Variants in HOPX observed in about 807,000 individuals in gnomAD.
HOPX encodes the protein homeodomain-only protein.
In HOPX, 5 loss-of-function variants were observed where a neutral mutation model predicts 11.8. The ratio of observed to expected loss-of-function variants is 0.43; its 90% CI spans 0.22 to 0.89. The LOEUF (loss-of-function observed/expected upper bound fraction) is 0.89. Ranked by LOEUF, HOPX falls within the 40% of genes least tolerant of loss-of-function variation. The probability of loss-of-function intolerance (pLI) is 0.28; values close to 1 mark genes in which losing one functional copy is unlikely to be tolerated. For synonymous variants in HOPX, 49 were observed against 49.7 expected (o/e 0.99, Z 0.06); for missense variants, 119 against 120.0 (o/e 0.99, Z 0.04).
intron 1 of HOPX, among the ~76,000 whole-genome samples, chr4:56,674,743 T>G (rs1208372918): frequency 6.7e-6 from 1 of 150,092 alleles, no homozygotes; most frequent in East Asian, 1.9e-4. Flanking sequence ...TCTCTACTTT[T>G]TATTTATTTG....
intron 1 of HOPX, 128 bp from the exon 2 acceptor site, chr4:56,658,027 A>T: frequency 1.4e-6 from 1 of 694,802 alleles, no homozygotes; most frequent in South Asian, 2.6e-5. Flanking sequence ...ACCACCCACC[A>T]CTGCTTGCTT....
At chr4:56,680,466 AC>A (rs1211579815) in intron 1 of HOPX, 1 of 152,068 alleles carries the variant, frequency 6.6e-6, no homozygotes, top group African/African-American at 2.4e-5. Flanking sequence ...ACCTTACTTA[AC>A]TAAACACACT....
intron 2 of HOPX, chr4:56,656,575 C>G (rs569836358): frequency 5.2e-5 from 35 of 668,370 alleles, no homozygotes; most frequent in South Asian, 6.3e-5. Flanking sequence ...CACACCCCAC[C>G]CTTCCTCCAA....
chr4:56,667,872 C>T (rs948492960), intron 1 of HOPX, among the ~76,000 whole-genome samples: 1 of 152,148 alleles, frequency 6.6e-6, no homozygotes, highest in African/African-American at 2.4e-5. Flanking sequence ...AATAAAGGGA[C>T]CCGATATCCA....
chr4:56,667,100 G>A (rs1325644036), intron 1 of HOPX, among the ~76,000 whole-genome samples: 2 of 152,174 alleles, frequency 1.3e-5, no homozygotes, highest in African/African-American at 2.4e-5. Context: ...CAACTTCAAC[G>A]TGTCCAGGTA....
upstream of HOPX, chr4:56,681,554 C>A: frequency 1.0e-6 from 1 of 1,000,194 alleles, no homozygotes; most frequent in Non-Finnish European, 1.2e-6. Flanking sequence ...TCTCTCCTAG[C>A]CAAGCAAGCT....
chr4:56,673,346 T>G (rs1718838177), intron 1 of HOPX, among the ~76,000 whole-genome samples: 1 of 152,140 alleles, frequency 6.6e-6, no homozygotes, highest in Admixed American at 6.5e-5. Context: ...GGGGGTCTTG[T>G]GTATGCCATG....
intron 1 of HOPX, chr4:56,680,931 G>T: frequency 1.6e-6 from 1 of 619,078 alleles, no homozygotes; most frequent in Non-Finnish European, 2.0e-6. Flanking sequence ...ATAGGCATCT[G>T]ACAAATGCTG....
chr4:56,675,598 T>C (rs1460144358), intron 1 of HOPX, among the ~76,000 whole-genome samples: 1 of 151,668 alleles, frequency 6.6e-6, no homozygotes, highest in East Asian at 1.9e-4. Flanking sequence ...AAGATAGATG[T>C]AGGCACTTTC....
chr4:56,660,560 GA>G lies in HOPX; in HGVS notation c.-83-2662del, dbSNP rs199818621. 4.3e-3 allele frequency among the ~76,000 whole-genome samples: 651 copies of G among 151,622 alleles called. 13 individuals are homozygous for G. Among genetic ancestry groups the G allele is most frequent in the Non-Finnish European group, 2.0e-3 (138 of 67,978 alleles). ...ATAAGCATTTATGACTTTGGGATTT[GA>G]AAAAAAATTTTTTTTCCCCCTATAT... On this transcript the variant is annotated intron_variant, in intron 1 of 3. Coordinates refer to ENST00000420433, the MANE Select transcript of HOPX (RefSeq NM_032495.6).
chr4:56,648,862 T>C, intron 3 of HOPX, 65 bp from the exon 4 acceptor site: 2 of 1,274,872 alleles, frequency 1.6e-6, no homozygotes, highest in Non-Finnish European at 2.3e-6. Context: ...CTGTTCCCTT[T>C]CTAAAAGGTA....
chr4:56,678,110 G>T (rs528794245), intron 1 of HOPX, among the ~76,000 whole-genome samples: 1 of 151,568 alleles, frequency 6.6e-6, no homozygotes, highest in East Asian at 1.9e-4. Context: ...CCAAGGATTC[G>T]CTTGGAAGGT....
At chr4:56,668,477 G>A (rs1442549740) in intron 1 of HOPX, among the ~76,000 whole-genome samples, 2 of 152,218 alleles carry the variant, frequency 1.3e-5, no homozygotes, top group Non-Finnish European at 2.9e-5. Context: ...CTGTCAGGCA[G>A]GAACAGTTTA....
At chr4:56,671,455 C>G (rs550970600) in intron 1 of HOPX, among the ~76,000 whole-genome samples, 1 of 152,056 alleles carries the variant, frequency 6.6e-6, no homozygotes, top group East Asian at 1.9e-4. Context: ...TTTTTATGGT[C>G]CAACTACCAT....
chr4:56,665,547 T>G (rs1289551671), intron 1 of HOPX: 1 of 152,226 alleles, frequency 6.6e-6, no homozygotes, highest in Non-Finnish European at 1.5e-5. Context: ...GATATCATCC[T>G]CAGTGCCCCC....
chr4:56,668,496 C>A (rs998104535), intron 1 of HOPX, among the ~76,000 whole-genome samples: 3 of 152,156 alleles, frequency 2.0e-5, no homozygotes, highest in Non-Finnish European at 4.4e-5. Context: ...TAGTTGCTGG[C>A]CAGAGCTCTT....
At chr4:56,654,944 T>C (rs1379277725) in intron 3 of HOPX, among the ~76,000 whole-genome samples, 1 of 152,196 alleles carries the variant, frequency 6.6e-6, no homozygotes, top group Non-Finnish European at 1.5e-5. Context: ...AAGGATTGTC[T>C]TTCCATGACC....
intron 1 of HOPX, among the ~76,000 whole-genome samples, chr4:56,675,785 C>A (rs1443266799): frequency 6.6e-6 from 1 of 151,690 alleles, no homozygotes; most frequent in Non-Finnish European, 1.5e-5. Context: ...GGCTTGCTGC[C>A]CCTCTATCAA....
chr4:56,651,873 AGTGTGTGTGTGTGT>A (rs796685500), intron 3 of HOPX, among the ~76,000 whole-genome samples: 24 of 136,762 alleles, frequency 1.8e-4, no homozygotes, highest in East Asian at 1.8e-3. Context: ...AGAGAGAGAG[AGTGTGTGTGTGTGT>A]GTGTGTGTGT....
Sources: allele counts gnomAD v4.1 joint callset (sites outside exome capture counted in the v4.1 genomes callset), GRCh38; gene constraint gnomAD v4.1.1; transcripts MANE v1.5; gene names NCBI Gene and HGNC (gene_info 2026-07-23, HGNC 2026-07-21).